FGGY: variants seen among roughly 807,000 people sequenced by gnomAD.
FGGY encodes FGGY carbohydrate kinase domain-containing protein.
Under a neutral mutation model 71.3 loss-of-function variants are expected in FGGY, and 72 were observed. The observed-to-expected ratio is 1.01, with a 90% CI of 0.84 to 1.23. The LOEUF (loss-of-function observed/expected upper bound fraction) is 1.23, where lower values mean the gene tolerates loss of function less well. Among genes scored for constraint, FGGY ranks in the 50% most tolerant of loss-of-function variants. FGGY has a pLI of 0.00. For synonymous variants in FGGY, 251 were observed against 250.3 expected (o/e 1.00, Z -0.02); for missense variants, 668 against 682.3 (o/e 0.98, Z 0.23).
At chr1:59,637,635 C>T (rs946683985) in intron 10 of FGGY, among the ~76,000 whole-genome samples, 4 of 152,074 alleles carry the variant, frequency 2.6e-5, no homozygotes, top group African/African-American at 7.2e-5. Context: ...TACACAATGT[C>T]ATCTGGTGGG....
At chr1:59,659,603 A>T (rs983735440) in intron 11 of FGGY, among the ~76,000 whole-genome samples, 4 of 152,198 alleles carry the variant, frequency 2.6e-5, no homozygotes, top group Non-Finnish European at 4.4e-5. Context: ...ACTGTGAGCA[A>T]GTCCTGATGG....
chr1:59,756,635 T>C (rs1340579070), intron 14 of FGGY, among the ~76,000 whole-genome samples: 3 of 152,238 alleles, frequency 2.0e-5, no homozygotes, highest in Admixed American at 6.5e-5. Flanking sequence ...GGAGGCAATA[T>C]GTTTTATGAA....
At chr1:59,351,874 T>A (rs1347693541) in intron 4 of FGGY, among the ~76,000 whole-genome samples, 1 of 151,996 alleles carries the variant, frequency 6.6e-6, no homozygotes, top group Non-Finnish European at 1.5e-5. Context: ...GAGTCAGATG[T>A]CAGAGGAAGT....
intron 8 of FGGY, among the ~76,000 whole-genome samples, chr1:59,584,979 A>C (rs138860137): frequency 6.0e-5 from 9 of 151,010 alleles, no homozygotes; most frequent in South Asian, 2.1e-4. Flanking sequence ...GAAGGACCTC[A>C]TCAAGGAGAA....
chr1:59,330,234 G>C (rs965014947), intron 2 of FGGY, among the ~76,000 whole-genome samples: 35 of 151,966 alleles, frequency 2.3e-4, no homozygotes, highest in Non-Finnish European at 3.5e-4. Context: ...GTTTCAGGAG[G>C]GCAGGAGCTA....
chr1:59,503,618 T>TATATATATAA (rs1491270217), intron 6 of FGGY, among the ~76,000 whole-genome samples: 4 of 143,754 alleles, frequency 2.8e-5, no homozygotes, highest in African/African-American at 1.0e-4. Flanking sequence ...TATATATATA[T>TATATATATAA]AAAATATGTA....
chr1:59,543,250 C>T (rs1425267282), intron 7 of FGGY, among the ~76,000 whole-genome samples: 1 of 152,152 alleles, frequency 6.6e-6, no homozygotes, highest in African/African-American at 2.4e-5. Flanking sequence ...TTCTCCCCAG[C>T]TGCTCTGCCT....
chr1:59,376,858 T>G (rs2058719957), intron 4 of FGGY, among the ~76,000 whole-genome samples: 1 of 152,224 alleles, frequency 6.6e-6, no homozygotes, highest in Non-Finnish European at 1.5e-5. Context: ...TCTTGCTAGT[T>G]CCTCTGTCTT....
At chr1:59,302,386 A>G (rs182002323) in intron 1 of FGGY, among the ~76,000 whole-genome samples, 4 of 152,332 alleles carry the variant, frequency 2.6e-5, no homozygotes, top group Non-Finnish European at 4.4e-5. Flanking sequence ...ACTATTCACA[A>G]TAGCAAAGAC....
chr1:59,537,691 C>T (rs1486485003), intron 7 of FGGY, among the ~76,000 whole-genome samples: 4 of 151,912 alleles, frequency 2.6e-5, no homozygotes, highest in South Asian at 2.1e-4. Flanking sequence ...GAAATAACGC[C>T]GCATATCTAC....
chr1:59,666,478 A>C (rs1043404045), intron 12 of FGGY, among the ~76,000 whole-genome samples: 5 of 152,322 alleles, frequency 3.3e-5, no homozygotes, highest in Non-Finnish European at 7.4e-5. Flanking sequence ...ATGTTCAACT[A>C]TCCTATCTAA....
intron 6 of FGGY, among the ~76,000 whole-genome samples, chr1:59,462,769 C>T (rs2092337906): frequency 1.3e-5 from 2 of 152,130 alleles, no homozygotes; most frequent in African/African-American, 2.4e-5. Flanking sequence ...TACCATCTCA[C>T]ACCAGTTAGA....
chr1:59,435,332 G>T (rs2068199533), intron 5 of FGGY, among the ~76,000 whole-genome samples: 1 of 152,142 alleles, frequency 6.6e-6, no homozygotes, highest in African/African-American at 2.4e-5. Flanking sequence ...CCCCCTCTTA[G>T]ATCTCACTAC....
intron 6 of FGGY, among the ~76,000 whole-genome samples, chr1:59,458,342 C>T (rs1177067511): frequency 2.0e-5 from 3 of 152,108 alleles, no homozygotes; most frequent in African/African-American, 7.2e-5. Flanking sequence ...CCTGTCCTAG[C>T]ACAAGGCATG....
chr1:59,659,608 T>C (rs1213780333), intron 11 of FGGY, among the ~76,000 whole-genome samples: 1 of 152,194 alleles, frequency 6.6e-6, no homozygotes, highest in African/African-American at 2.4e-5. Flanking sequence ...GAGCAAGTCC[T>C]GATGGCATAC....
At chr1:59,314,634 T>A (rs1429049708) in intron 1 of FGGY, among the ~76,000 whole-genome samples, 2 of 152,220 alleles carry the variant, frequency 1.3e-5, no homozygotes, top group Non-Finnish European at 2.9e-5. Flanking sequence ...CTATTCTGAA[T>A]AGAATATGGT....
intron 4 of FGGY, among the ~76,000 whole-genome samples, chr1:59,358,099 A>G (rs1196823436): frequency 6.6e-6 from 1 of 152,242 alleles, no homozygotes; most frequent in Non-Finnish European, 1.5e-5. Context: ...GTGTGTTGTG[A>G]TACAGTAACT....
intron 8 of FGGY, among the ~76,000 whole-genome samples, chr1:59,601,062 C>T (rs886155247): frequency 3.4e-5 from 5 of 145,680 alleles, no homozygotes; most frequent in African/African-American, 1.3e-4. Flanking sequence ...TCTAGTAAGA[C>T]GATAGCACCG....
chr1:59,452,749 G>A (rs1379709710), intron 5 of FGGY, among the ~76,000 whole-genome samples: 3 of 152,196 alleles, frequency 2.0e-5, no homozygotes, highest in Non-Finnish European at 2.9e-5. Context: ...AACAGCAAGT[G>A]GCCCCTTCTT....
Sources: gnomAD v4.1 joint callset for allele counts (sites outside exome capture counted in the v4.1 genomes callset) on GRCh38, gnomAD v4.1.1 for gene constraint, MANE v1.5 for transcripts, NCBI Gene and HGNC (gene_info 2026-07-23, HGNC 2026-07-21) for gene names.